NCKAP5: variants seen among roughly 807,000 people sequenced by gnomAD.
The protein encoded by NCKAP5 is NCK associated protein 5.
NCKAP5 carries 92 observed loss-of-function variants against 167.0 expected under a neutral mutation model. The ratio of observed to expected loss-of-function variants is 0.55; its 90% CI spans 0.47 to 0.66. NCKAP5 has a LOEUF of 0.66. NCKAP5 is among the 30% of genes least tolerant of loss of function. NCKAP5 has a pLI of 0.00. For synonymous variants in NCKAP5, 891 were observed against 877.4 expected, an observed-to-expected ratio of 1.02 and a Z score of -0.27; for missense variants, 2,378 against 2,315.0, an observed-to-expected ratio of 1.03 and a Z score of -0.56.
intron 8 of NCKAP5, among the ~76,000 whole-genome samples, chr2:132,920,701 ACGTATAT>A (rs1558942514): frequency 1.8e-5 from 2 of 113,710 alleles, no homozygotes; most frequent in East Asian, 2.3e-4. Flanking sequence ...ATATATATAT[ACGTATAT>A]GTATATATAT....
chr2:133,663,606 T>C, the NCKAP5 span, among the ~76,000 whole-genome samples: 1 of 152,116 alleles, frequency 6.6e-6, no homozygotes, highest in Admixed American at 6.5e-5. Flanking sequence ...TCACCAGGAG[T>C]AGACACCATC....
intron 3 of NCKAP5, among the ~76,000 whole-genome samples, chr2:133,378,074 G>T (rs1255386625): frequency 6.6e-6 from 1 of 152,102 alleles, no homozygotes; most frequent in Non-Finnish European, 1.5e-5. Flanking sequence ...TACCTTAATA[G>T]CTATATGCTG....
chr2:133,069,716 A>G (rs2080322808), intron 6 of NCKAP5, among the ~76,000 whole-genome samples: 1 of 152,298 alleles, frequency 6.6e-6, no homozygotes, highest in South Asian at 2.1e-4. Flanking sequence ...CTTGCAAGGT[A>G]GTTGTTTGAA....
intron 16 of NCKAP5, among the ~76,000 whole-genome samples, chr2:132,741,835 C>A (rs147281991): frequency 3.5e-3 from 540 of 152,200 alleles, no homozygotes; most frequent in African/African-American, 0.012. Context: ...AACAAAATTA[C>A]TCTATGCTCA....
At position 133,563,576 on chromosome 2, in the gene NCKAP5, A is replaced by T. The variant is rs1428475641; in HGVS notation, c.-129-4459T>A. On this transcript the variant is annotated intron_variant, in intron 1 of 19. Transcript: ENST00000409261. ...GAGAAAGACTCCATAAAAAAAAAAA[A>T]AAAAAAAAAAAAAAAAAAGATTCAG... is the stretch of plus-strand genomic sequence containing the variant. Among the ~76,000 whole-genome samples, 73 of 150,304 alleles carry T rather than the reference A, an allele frequency of 4.9e-4. 2 individuals are homozygous for T. The highest frequency in any genetic ancestry group is 1.7e-3 in the African/African-American group (70 of 40,916).
intron 3 of NCKAP5, among the ~76,000 whole-genome samples, chr2:133,308,248 C>G (rs1194440522): frequency 6.6e-6 from 1 of 151,710 alleles, no homozygotes; most frequent in African/African-American, 2.4e-5. Flanking sequence ...GCCACCACGC[C>G]CGGCTAATTT....
At chr2:132,694,082 A>G (rs1301441137) in intron 19 of NCKAP5, among the ~76,000 whole-genome samples, 1 of 150,524 alleles carries the variant, frequency 6.6e-6, no homozygotes. Flanking sequence ...CTGATGGGAA[A>G]AGGAAGACAA....
chr2:133,236,614 T>G (rs2087434570), intron 4 of NCKAP5, among the ~76,000 whole-genome samples: 1 of 152,182 alleles, frequency 6.6e-6, no homozygotes, highest in African/African-American at 2.4e-5. Context: ...ATCACTTAAG[T>G]CAATACATTA....
chr2:133,474,921 C>T (rs552743757), intron 3 of NCKAP5, among the ~76,000 whole-genome samples: 14 of 152,276 alleles, frequency 9.2e-5, no homozygotes, highest in South Asian at 6.2e-4. Flanking sequence ...AGTGATTCTC[C>T]TACTTCAGCC....
intron 8 of NCKAP5, among the ~76,000 whole-genome samples, chr2:132,960,069 TCAC>T (rs1219756996): frequency 6.6e-6 from 1 of 152,110 alleles, no homozygotes; most frequent in Non-Finnish European, 1.5e-5. Flanking sequence ...GGTCTACTCT[TCAC>T]CATGAAAAGC....
chr2:133,074,702 T>G (rs909658664), intron 6 of NCKAP5, among the ~76,000 whole-genome samples: 10 of 152,072 alleles, frequency 6.6e-5, no homozygotes, highest in Admixed American at 5.2e-4. Flanking sequence ...ATCAATAAAA[T>G]CTGAACATTC....
the NCKAP5 span, among the ~76,000 whole-genome samples, chr2:133,603,822 C>T: frequency 6.6e-6 from 1 of 152,162 alleles, no homozygotes; most frequent in Non-Finnish European, 1.5e-5. Context: ...CAGGCGTGAG[C>T]CACCGCTCCC....
chr2:132,884,596 T>C (rs1254227242), intron 8 of NCKAP5, among the ~76,000 whole-genome samples: 1 of 152,218 alleles, frequency 6.6e-6, no homozygotes, highest in African/African-American at 2.4e-5. Flanking sequence ...GTTCAAATAT[T>C]TGGATACCAT....
intron 3 of NCKAP5, among the ~76,000 whole-genome samples, chr2:133,415,938 T>C (rs1402415834): frequency 2.0e-5 from 3 of 152,220 alleles, no homozygotes; most frequent in African/African-American, 7.2e-5. Context: ...TAAAACACAT[T>C]GTGAGTGGTA....
chr2:133,298,100 C>A (rs1035994985), intron 4 of NCKAP5, among the ~76,000 whole-genome samples: 1 of 152,184 alleles, frequency 6.6e-6, no homozygotes, highest in Admixed American at 6.5e-5. Context: ...TCTCTAAAAA[C>A]AATTTGGCTA....
At chr2:132,684,479 C>A (rs532634895) in intron 19 of NCKAP5, among the ~76,000 whole-genome samples, 5 of 152,308 alleles carry the variant, frequency 3.3e-5, no homozygotes, top group Non-Finnish European at 7.4e-5. Context: ...CCCAGCCTTT[C>A]CAGCTGTCCT....
At chr2:133,438,261 T>C (rs1160712503) in intron 3 of NCKAP5, among the ~76,000 whole-genome samples, 1 of 152,240 alleles carries the variant, frequency 6.6e-6, no homozygotes, top group East Asian at 1.9e-4. Context: ...CTTGCCAATG[T>C]TGGGAATATT....
intron 6 of NCKAP5, among the ~76,000 whole-genome samples, chr2:133,045,148 G>A (rs1038762150): frequency 1.3e-5 from 2 of 151,918 alleles, no homozygotes; most frequent in East Asian, 3.9e-4. Context: ...CTGTTTGTAA[G>A]AGCCACAAAG....
At chr2:132,909,134 G>T (rs1239007070) in intron 8 of NCKAP5, among the ~76,000 whole-genome samples, 1 of 152,148 alleles carries the variant, frequency 6.6e-6, no homozygotes, top group Non-Finnish European at 1.5e-5. Flanking sequence ...ACCACTTGAG[G>T]TCAGGAGTTC....
Sources: gnomAD v4.1 joint callset for allele counts (sites outside exome capture counted in the v4.1 genomes callset) on GRCh38, gnomAD v4.1.1 for gene constraint, MANE v1.5 for transcripts, NCBI Gene and HGNC (gene_info 2026-07-23, HGNC 2026-07-21) for gene names.